ALS2: variants seen among roughly 807,000 people sequenced by gnomAD.
The protein encoded by ALS2 is alsin.
A neutral mutation model predicts 203.4 loss-of-function variants in ALS2; 117 were observed. The observed-to-expected ratio is 0.58, with a 90% CI of 0.50 to 0.67. ALS2 has a LOEUF of 0.67. Ranked by LOEUF, ALS2 falls within the 30% of genes least tolerant of loss-of-function variation. The pLI is 0.00. For missense variants in ALS2, 1,715 were observed against 1,989.4 expected (o/e 0.86, Z 2.62); for synonymous variants, 718 against 725.9 (o/e 0.99, Z 0.17).
At chr2:201,723,222 G>T in intron 22 of ALS2, 102 bp from the exon 23 acceptor site, 1 of 1,382,762 alleles carries the variant, frequency 7.2e-7, no homozygotes, top group South Asian at 1.2e-5. Context: ...CTTAAAAGAA[G>T]GAAAATAGTA....
At chr2:201,719,012 C>T (rs1263086627) in intron 23 of ALS2, among the ~76,000 whole-genome samples, 1 of 151,800 alleles carries the variant, frequency 6.6e-6, no homozygotes, top group Non-Finnish European at 1.5e-5. Context: ...AAAGAAAAAT[C>T]AATGAAACTA....
intron 24 of ALS2, 74 bp from the exon 25 acceptor site, chr2:201,715,913 A>G: frequency 6.4e-7 from 1 of 1,550,738 alleles, no homozygotes; most frequent in South Asian, 1.1e-5. Context: ...GAAACTTTCT[A>G]ACATACAACT....
chr2:201,768,015 C>T (rs537012645), intron 2 of ALS2, among the ~76,000 whole-genome samples: 1 of 152,212 alleles, frequency 6.6e-6, no homozygotes. Flanking sequence ...TCAATATATT[C>T]ACTCCTTGTT....
rs192320972 is a variant in ALS2, at chr2:201,727,110, G to C, written c.2979+102C>G. On this transcript the variant is annotated intron_variant, in intron 17 of 33. Transcript: ENST00000264276. ...ATGAAGATTTATCAGACAGAACTGT[G>C]CATCATTAGTCAAGCAAGAACAATT... is the stretch of plus-strand genomic sequence containing the variant. The C allele has an allele frequency of 1.5e-3, 1,728 of 1,122,050 alleles. 1 individual carries two copies. Among genetic ancestry groups the C allele is most frequent in the Non-Finnish European group, 1.7e-3 (1,271 of 735,344 alleles). 69.5% of individuals were successfully genotyped at this position (1,122,050 alleles called of 1,614,324 possible). A position where few individuals can be genotyped will look rare whatever the true frequency, so the allele number is the denominator to read the frequency against.
chr2:201,753,332 A>G, intron 6 of ALS2, 90 bp from the exon 7 acceptor site: 1 of 1,028,962 alleles, frequency 9.7e-7, no homozygotes, highest in Non-Finnish European at 1.5e-6. Flanking sequence ...GTCGTGTAAA[A>G]ATAAACATTT....
Position 201,725,444 on chromosome 2 carries a change from A to G in ALS2, c.3259T>C (p.Tyr1087His), listed in dbSNP as rs1289705969. 1.9e-6 allele frequency: 3 copies of G among 1,613,526 alleles called. No individual in the cohort carries two copies. Among genetic ancestry groups the G allele is most frequent in the African/African-American group, 1.3e-5 (1 of 74,912 alleles). Residue 1087 changes from tyrosine (Y) to histidine (H), a missense_variant, in exon 20 of 34, where the codon TAC becomes CAC. Tyr to His is a moderately conservative substitution (Grantham distance 83). Transcript: ENST00000264276. ...TTCATTGCCTTGTTTGGGATTCTGT[A>G]TTCTCCATACCTGCCATGAAAAAGA... ...RNGLEDGYGE[Y>H]RIPNKAMNKE...
rs189412622 is a variant in ALS2 at position 201,704,186 on chromosome 2, A to G, written c.4871T>C (p.Ile1624Thr). ...AAGATAGGGGTCCATTAGATCCTCA[A>G]TGAGGTGTACCTCAGAGCCTAAATT... is the stretch of plus-strand genomic sequence containing the variant. ...IRNLGSEVHL[I>T]EDLMDPYLQH... The change falls in exon 33 of 34, where the codon ATT becomes ACT. Residue 1624 changes from isoleucine to threonine, a missense_variant. Coordinates refer to ENST00000264276, the MANE Select transcript of ALS2 (RefSeq NM_020919.4). 2.5e-5 allele frequency: 41 copies of G among 1,614,164 alleles called. No individual in the cohort carries two copies. Among genetic ancestry groups the G allele is most frequent in the Non-Finnish European group, 3.3e-5 (39 of 1,180,008 alleles).
At chr2:201,767,112 AAAAG>A in intron 3 of ALS2, 113 bp downstream of exon 3, 3 of 1,208,136 alleles carry the variant, frequency 2.5e-6, no homozygotes, top group Non-Finnish European at 3.5e-6. Flanking sequence ...ATTTAAAAAA[AAAAG>A]AAAGAAAAAG....
In ALS2 at chr2:201,768,886, C is replaced by T. The variant is rs766171009; in HGVS notation, c.-1G>A. On this transcript the variant is annotated 5_prime_UTR_variant, in exon 2 of 34. Transcript: ENST00000264276. ...TTTACCTTCTCTTCTTTGAGTCCAT[C>T]GGTCAGTGGGAACACTCCATCACCA... The T allele has an allele frequency of 1.9e-6, 3 of 1,613,330 alleles. No individual in the cohort carries two copies. Among genetic ancestry groups the T allele is most frequent in the South Asian group, 1.1e-5 (1 of 91,032 alleles).
intron 1 of ALS2, 57 bp from the exon 2 acceptor site, chr2:201,769,002 TAAA>T (rs10655798): frequency 2.5e-4 from 157 of 622,694 alleles, no homozygotes; most frequent in South Asian, 3.8e-4. Context: ...CCTCAGACAT[TAAA>T]AAAAAAAAAA....
At chr2:201,710,132 T>C in intron 26 of ALS2, 94 bp from the exon 27 acceptor site, 1 of 1,442,978 alleles carries the variant, frequency 6.9e-7, no homozygotes, top group South Asian at 1.2e-5. Flanking sequence ...GACACACAAT[T>C]GTCAAAATGT....
chr2:201,776,936 T>C (rs1694686218), intron 1 of ALS2, among the ~76,000 whole-genome samples: 2 of 152,198 alleles, frequency 1.3e-5, no homozygotes, highest in Admixed American at 6.5e-5. Flanking sequence ...TAGTCAACCA[T>C]TTAACACATT....
chr2:201,747,675 T>A (rs1294255737), intron 8 of ALS2, among the ~76,000 whole-genome samples: 1 of 152,068 alleles, frequency 6.6e-6, no homozygotes, highest in Non-Finnish European at 1.5e-5. Context: ...GGTCTCGGTC[T>A]CCTGACCTCA....
chr2:201,720,433 T>C (rs1257381473), intron 23 of ALS2, among the ~76,000 whole-genome samples: 1 of 149,210 alleles, frequency 6.7e-6, no homozygotes, highest in African/African-American at 2.5e-5. Context: ...CCAAGCATGG[T>C]GGCTCATGCC....
intron 14 of ALS2, 114 bp downstream of exon 14, chr2:201,728,938 G>A: frequency 6.7e-7 from 1 of 1,503,188 alleles, no homozygotes; most frequent in African/African-American, 1.4e-5. Flanking sequence ...TTTAGGAAAG[G>A]GGTCATTAAA....
intron 11 of ALS2, among the ~76,000 whole-genome samples, chr2:201,740,516 A>G (rs1207813795): frequency 7.1e-6 from 1 of 140,608 alleles, no homozygotes; most frequent in Non-Finnish European, 1.6e-5. Flanking sequence ...AAATTATACC[A>G]GTAAAAGCTG....
At chr2:201,767,138 C>G in intron 3 of ALS2, 91 bp downstream of exon 3, 3 of 1,478,888 alleles carry the variant, frequency 2.0e-6, no homozygotes, top group Non-Finnish European at 1.9e-6. Context: ...AAAAGAACCC[C>G]TAGTATCCAA....
Position 201,761,246 on chromosome 2 carries a change from T to A in ALS2, c.748A>T (p.Ile250Phe). ...GGGCAACAATGACTGTCTGATATAA[T>A]CACATGGTCTTCTTTGTCAGTCATA... ...ITMTDKEDHV[I>F]ISDSHCCPLG... Residue 250 changes from isoleucine to phenylalanine, a missense_variant, in exon 4 of 34, where the codon ATT (isoleucine) becomes TTT (phenylalanine). Ile to Phe is a conservative substitution (Grantham distance 21, BLOSUM62 0). Around this residue, in one of 3 missense-constraint regions of ALS2, gnomAD observed 476 missense variants for 539.3 expected, o/e 0.88. Transcript: ENST00000264276. The A allele has an allele frequency of 2.5e-6, 4 of 1,614,152 alleles. No individual in the cohort carries two copies. Among genetic ancestry groups the A allele is most frequent in the Non-Finnish European group, 2.5e-6 (3 of 1,180,044 alleles).
At chr2:201,715,561 G>C in intron 25 of ALS2, 111 bp downstream of exon 25, 3 of 1,323,664 alleles carry the variant, frequency 2.3e-6, no homozygotes, top group Non-Finnish European at 3.2e-6. Context: ...ACTCAGAAGC[G>C]AAGTAAATCA....
Sources: allele counts gnomAD v4.1 joint callset (sites outside exome capture counted in the v4.1 genomes callset), GRCh38; gene constraint gnomAD v4.1.1; regional missense constraint gnomAD v4.1.1; transcripts MANE v1.5; gene names NCBI Gene and HGNC (gene_info 2026-07-23, HGNC 2026-07-21).